The following TSHZ2 variants were observed in gnomAD, a reference collection of about 807,000 sequenced individuals.
The protein encoded by TSHZ2 is teashirt homolog 2.
Under a neutral mutation model 74.4 loss-of-function variants are expected in TSHZ2, and 21 were observed. The observed-to-expected ratio is 0.28, with a 90% CI of 0.20 to 0.41. The LOEUF is 0.41. TSHZ2 is among the 10% of genes least tolerant of loss of function. TSHZ2 has a pLI of 1.00. For synonymous variants in TSHZ2, 540 were observed against 515.3 expected, an observed-to-expected ratio of 1.05 and a Z score of -0.65; for missense variants, 1,244 against 1,293.5, an observed-to-expected ratio of 0.96 and a Z score of 0.59.
At chr20:53,418,405 C>G (rs1361224323) in intron 2 of TSHZ2, among the ~76,000 whole-genome samples, 1 of 152,154 alleles carries the variant, frequency 6.6e-6, no homozygotes, top group Non-Finnish European at 1.5e-5. Context: ...AAGGATATAC[C>G]CGAGGCTGGG....
intron 2 of TSHZ2, among the ~76,000 whole-genome samples, chr20:53,353,704 G>T (rs1980741204): frequency 6.6e-6 from 1 of 152,088 alleles, no homozygotes; most frequent in African/African-American, 2.4e-5. Flanking sequence ...AAAATTGCTG[G>T]GTCAAGGAGT....
intron 2 of TSHZ2, among the ~76,000 whole-genome samples, chr20:53,420,354 A>G (rs75888780): frequency 0.014 from 2,083 of 152,296 alleles, 54 homozygotes; most frequent in African/African-American, 0.046. Flanking sequence ...AAAGCAATCA[A>G]TGACCCAGAG....
intron 2 of TSHZ2, among the ~76,000 whole-genome samples, chr20:53,325,569 C>T (rs1029030848): frequency 1.3e-5 from 2 of 152,230 alleles, no homozygotes; most frequent in East Asian, 1.9e-4. Context: ...AGTGTCCACA[C>T]CTGGGTTCCT....
intron 1 of TSHZ2, among the ~76,000 whole-genome samples, chr20:53,191,140 G>A (rs539871299): frequency 9.0e-4 from 137 of 151,878 alleles, no homozygotes; most frequent in African/African-American, 2.8e-3. Context: ...ATATACACAC[G>A]TATACATACA....
chr20:53,058,945 T>G (rs868250739), intron 1 of TSHZ2, among the ~76,000 whole-genome samples: 48 of 152,332 alleles, frequency 3.2e-4, no homozygotes, highest in African/African-American at 1.1e-3. Context: ...AACCTTTTGG[T>G]GGACATTTTC....
chr20:53,051,456 C>A (rs776015221), intron 1 of TSHZ2, among the ~76,000 whole-genome samples: 1 of 126,128 alleles, frequency 7.9e-6, no homozygotes, highest in Non-Finnish European at 1.6e-5. Context: ...CTGTGGCGCA[C>A]GCACACACAC....
intron 2 of TSHZ2, among the ~76,000 whole-genome samples, chr20:53,257,740 CCTT>C (rs1410255637): frequency 2.0e-5 from 3 of 152,232 alleles, no homozygotes; most frequent in Admixed American, 6.5e-5. Flanking sequence ...CTGAACTAAA[CCTT>C]CTGTGCTGAC....
chr20:53,359,443 A>G (rs1057035608), intron 2 of TSHZ2, among the ~76,000 whole-genome samples: 1 of 152,256 alleles, frequency 6.6e-6, no homozygotes, highest in African/African-American at 2.4e-5. Context: ...AAGTGTTTTC[A>G]TAAATAGGAC....
intron 1 of TSHZ2, among the ~76,000 whole-genome samples, chr20:53,172,422 T>G (rs1988224750): frequency 1.3e-5 from 2 of 152,228 alleles, no homozygotes; most frequent in Non-Finnish European, 2.9e-5. Context: ...ATTTTTATTT[T>G]TTAGATTTAA....
At chr20:53,290,927 C>T (rs959821126) in intron 2 of TSHZ2, among the ~76,000 whole-genome samples, 3 of 152,148 alleles carry the variant, frequency 2.0e-5, no homozygotes, top group African/African-American at 7.2e-5. Flanking sequence ...TGCTTTTGTG[C>T]TATAATGTCA....
At chr20:53,390,152 T>C (rs16998028) in intron 2 of TSHZ2, among the ~76,000 whole-genome samples, 4,874 of 152,294 alleles carry the variant, frequency 0.032, 258 homozygotes, top group African/African-American at 0.11. Flanking sequence ...GGCTACAACT[T>C]GTAATCAGTA....
chr20:53,248,066 C>T (rs1218438260), intron 1 of TSHZ2, among the ~76,000 whole-genome samples: 1 of 151,996 alleles, frequency 6.6e-6, no homozygotes, highest in Admixed American at 6.6e-5. Flanking sequence ...TAATTGTTTT[C>T]CTCCTTCTGT....
chr20:53,458,453 T>C (rs1035502577), intron 2 of TSHZ2, among the ~76,000 whole-genome samples: 11 of 152,162 alleles, frequency 7.2e-5, no homozygotes, highest in African/African-American at 2.7e-4. Flanking sequence ...TCTCTCTTTT[T>C]TTCTTTATTA....
chr20:53,084,651 C>CTCTCTCCT (rs1356262151), intron 1 of TSHZ2, among the ~76,000 whole-genome samples: 3 of 107,922 alleles, frequency 2.8e-5, no homozygotes, highest in Admixed American at 9.5e-5. Context: ...CCCTCTCTCC[C>CTCTCTCCT]TCTCTCCTTC....
chr20:53,190,933 AATGAATGTG>A (rs1170556674), intron 1 of TSHZ2, among the ~76,000 whole-genome samples: 1 of 152,134 alleles, frequency 6.6e-6, no homozygotes, highest in Non-Finnish European at 1.5e-5. Flanking sequence ...TTTTTTGTGA[AATGAATGTG>A]ATGAATCATG....
intron 1 of TSHZ2, among the ~76,000 whole-genome samples, chr20:53,180,742 A>T (rs1263347315): frequency 1.3e-5 from 2 of 152,204 alleles, no homozygotes; most frequent in African/African-American, 2.4e-5. Context: ...AGAAATCTGC[A>T]CTTTTACCCC....
At chr20:53,109,424 A>G (rs537274644) in intron 1 of TSHZ2, among the ~76,000 whole-genome samples, 3 of 151,824 alleles carry the variant, frequency 2.0e-5, no homozygotes, top group East Asian at 1.9e-4. Flanking sequence ...TTCATTACCA[A>G]CCTCTTTGGA....
intron 2 of TSHZ2, among the ~76,000 whole-genome samples, chr20:53,290,116 G>A (rs867405784): frequency 5.9e-5 from 9 of 152,180 alleles, no homozygotes; most frequent in South Asian, 2.1e-4. Flanking sequence ...TGTCAATGGC[G>A]TTCCACCTTC....
chr20:53,472,411 T>G (rs560662097), intron 2 of TSHZ2, among the ~76,000 whole-genome samples: 2 of 152,044 alleles, frequency 1.3e-5, no homozygotes, highest in East Asian at 3.9e-4. Context: ...GAAAGTTGAG[T>G]CATATGAGTT....
Sources: allele counts gnomAD v4.1 joint callset (sites outside exome capture counted in the v4.1 genomes callset), GRCh38; gene constraint gnomAD v4.1.1; transcripts MANE v1.5; gene names NCBI Gene and HGNC (gene_info 2026-07-23, HGNC 2026-07-21).